Variants in GTF2E2 observed in about 807,000 individuals in gnomAD.
GTF2E2 encodes the protein general transcription factor IIE subunit 2.
Under a neutral mutation model 40.5 loss-of-function variants are expected in GTF2E2, and 21 were observed. The ratio of observed to expected loss-of-function variants is 0.52; its 90% CI spans 0.37 to 0.75. The LOEUF is 0.75. GTF2E2 is among the 30% of genes least tolerant of loss of function. The pLI is 0.00. For synonymous variants in GTF2E2, 117 were observed against 121.6 expected (o/e 0.96, Z 0.25); for missense variants, 298 against 338.4 (o/e 0.88, Z 0.94).
chr8:30,582,766 T>C (rs1183141392), intron 6 of GTF2E2, among the ~76,000 whole-genome samples: 1 of 152,206 alleles, frequency 6.6e-6, no homozygotes, highest in Non-Finnish European at 1.5e-5. Context: ...TGGGGCACAG[T>C]AGCAAGCTAC....
At position 30,620,765 on chromosome 8, in the gene GTF2E2, C is replaced by CA. The variant is rs754974238; in HGVS notation, c.259-6051dup. Among the ~76,000 whole-genome samples, 632 of 130,798 alleles carry CA rather than the reference C, an allele frequency of 4.8e-3. 2 individuals carry two copies. Among genetic ancestry groups the CA allele is most frequent in the Middle Eastern group, 0.019 (5 of 258 alleles). The allele number at this position is 130,798 out of a possible 152,430, so 85.8% of individuals were successfully genotyped here. ...CCAACATGATGAAACCTCGACTCCA[C>CA]AAAAAAAAAAAAAATTAGCCAGGCA... On this transcript the variant is annotated intron_variant, in intron 3 of 7. Transcript: ENST00000355904.
intron 3 of GTF2E2, among the ~76,000 whole-genome samples, chr8:30,623,707 T>C (rs1201331444): frequency 6.6e-6 from 1 of 152,074 alleles, no homozygotes; most frequent in Non-Finnish European, 1.5e-5. Flanking sequence ...TGATCATCAT[T>C]CTAACTGGTG....
intron 6 of GTF2E2, among the ~76,000 whole-genome samples, 188 bp from the exon 7 acceptor site, chr8:30,580,584 C>A (rs372577048): frequency 1.3e-5 from 2 of 152,316 alleles, no homozygotes; most frequent in East Asian, 3.9e-4. Flanking sequence ...GGAGACAGAA[C>A]TGCACCCACA....
At chr8:30,606,296 A>G (rs932166318) in intron 6 of GTF2E2, among the ~76,000 whole-genome samples, 3 of 152,224 alleles carry the variant, frequency 2.0e-5, no homozygotes, top group African/African-American at 7.2e-5. Flanking sequence ...CCTATCTACC[A>G]GAACCACAAG....
At chr8:30,583,892 AC>A (rs1828593559) in intron 6 of GTF2E2, among the ~76,000 whole-genome samples, 1 of 150,928 alleles carries the variant, frequency 6.6e-6, no homozygotes, top group East Asian at 1.9e-4. Context: ...TGCAAGCTCC[AC>A]CTCCCGGGTT....
chr8:30,632,870 T>C (rs1801482409), intron 3 of GTF2E2, among the ~76,000 whole-genome samples: 1 of 152,182 alleles, frequency 6.6e-6, no homozygotes, highest in African/African-American at 2.4e-5. Context: ...TGGAAGATTC[T>C]GATATCACAA....
chr8:30,583,269 G>A (rs1175394301), intron 6 of GTF2E2, among the ~76,000 whole-genome samples: 1 of 152,206 alleles, frequency 6.6e-6, no homozygotes, highest in Non-Finnish European at 1.5e-5. Flanking sequence ...GGGAGGCGGA[G>A]GGTGCAGTGA....
chr8:30,624,549 A>T (rs1366649955), intron 3 of GTF2E2, among the ~76,000 whole-genome samples: 1 of 152,130 alleles, frequency 6.6e-6, no homozygotes, highest in African/African-American at 2.4e-5. Context: ...TTCTGTGAAG[A>T]AAGTCATTGG....
At position 30,652,398 on chromosome 8, in the gene GTF2E2, T is replaced by A. The variant is rs576303247; in HGVS notation, c.166+1035A>T. Among the ~76,000 whole-genome samples, 200 of 151,948 alleles carry A rather than the reference T, an allele frequency of 1.3e-3. 2 individuals are homozygous for A. The highest frequency in any genetic ancestry group is 0.012 in the South Asian group (59 of 4,812). On this transcript the variant is annotated intron_variant, in intron 2 of 7. Coordinates refer to ENST00000355904, the MANE Select transcript of GTF2E2 (RefSeq NM_002095.6). ...AGAGGAAATATACCTCAGTTTTTTT[T>A]ATGGGCAAAAAAAAATTGAATAGAC...
At chr8:30,647,166 T>C (rs1449936088) in intron 2 of GTF2E2, among the ~76,000 whole-genome samples, 1 of 152,032 alleles carries the variant, frequency 6.6e-6, no homozygotes, top group Non-Finnish European at 1.5e-5. Flanking sequence ...AAGAGGGCTG[T>C]GGGGACAAAA....
In GTF2E2 at chr8:30,614,723, G is replaced by A; in HGVS notation, c.259-8C>T. 6.6e-7 allele frequency: 1 copy of A among 1,512,570 alleles called. No homozygotes were observed. The highest frequency in any genetic ancestry group is 9.1e-7 in the Non-Finnish European group (1 of 1,093,466). The allele number at this position is 1,512,570 out of a possible 1,614,324, so 93.7% of individuals were successfully genotyped here. On this transcript the variant is annotated splice_region_variant and splice_polypyrimidine_tract_variant and intron_variant, in intron 3 of 7. Coordinates refer to ENST00000355904, the MANE Select transcript of GTF2E2 (RefSeq NM_002095.6). ...TCCTCGCTGATGCCGTGTCTATCAA[G>A]TGAAGAAATTGTTATTAGAAGACAG... is the stretch of plus-strand genomic sequence containing the variant.
rs552545700 is a variant in GTF2E2, at chr8:30,627,726, C to CT, written c.258+7305dup. On this transcript the variant is annotated intron_variant, in intron 3 of 7. Transcript: ENST00000355904. ...GCTTTATTAAACATAGACCAGTATA[C>CT]TTGAGCACCTAAATCTCTTGCTACA... Among the ~76,000 whole-genome samples the CT allele has an allele frequency of 2.2e-3, 330 of 152,248 alleles. 1 individual carries two copies. The highest frequency in any genetic ancestry group is 3.7e-3 in the Non-Finnish European group (255 of 68,024).
intron 2 of GTF2E2, chr8:30,645,556 A>G (rs1238605843): frequency 1.3e-6 from 2 of 1,535,708 alleles, no homozygotes; most frequent in Non-Finnish European, 1.7e-6. Context: ...TCTTAGAAGT[A>G]TGATGGACAA....
At chr8:30,612,248 G>A in intron 5 of GTF2E2, 51 bp downstream of exon 5, 2 of 1,137,168 alleles carry the variant, frequency 1.8e-6, no homozygotes, top group Non-Finnish European at 2.6e-6. Context: ...AAACCAAGAA[G>A]TCATTATTCA....
chr8:30,648,111 A>C (rs1246201029), intron 2 of GTF2E2, among the ~76,000 whole-genome samples: 1 of 152,212 alleles, frequency 6.6e-6, no homozygotes, highest in Non-Finnish European at 1.5e-5. Context: ...GAACCAAAAG[A>C]GGGTAGGAGG....
At position 30,621,940 on chromosome 8, in the gene GTF2E2, T is replaced by C. The variant is rs191174064; in HGVS notation, c.259-7225A>G. On this transcript the variant is annotated intron_variant, in intron 3 of 7. Transcript: ENST00000355904. Reference sequence around the variant, plus strand: ...ACACATTTGCTATCTCATCGTTAAGTATGATGTTAAATCTAGGGGGTTCTT... The same window carrying C: ...ACACATTTGCTATCTCATCGTTAAGCATGATGTTAAATCTAGGGGGTTCTT... Among the ~76,000 whole-genome samples the C allele has an allele frequency of 1.2e-3, 188 of 151,432 alleles. 1 individual carries two copies. Among genetic ancestry groups the C allele is most frequent in the Middle Eastern group, 3.4e-3 (1 of 294 alleles).
rs945410284 is a variant in GTF2E2, at chr8:30,580,322, G to C, written c.718C>G (p.Gln240Glu). Reference sequence around the variant, plus strand: ...GATTCCTGCATGGAAGAAATACCCTGTCGCTTCAGATATTCTTCAATTTTC... The same window carrying C: ...GATTCCTGCATGGAAGAAATACCCTCTCGCTTCAGATATTCTTCAATTTTC... ...EEKIEEYLKR[Q>E]GISSMQESGP... The change falls in exon 7 of 8, where the codon CAG (glutamine) becomes GAG (glutamate). Residue 240 changes from glutamine to glutamate, a missense_variant. Gln to Glu is a conservative substitution (Grantham distance 29). Coordinates refer to ENST00000355904, the MANE Select transcript of GTF2E2 (RefSeq NM_002095.6). 2 of 1,610,242 alleles carry C rather than the reference G, an allele frequency of 1.2e-6. No homozygotes were observed. Among genetic ancestry groups the C allele is most frequent in the Admixed American group, 3.3e-5 (2 of 60,020 alleles).
intron 6 of GTF2E2, among the ~76,000 whole-genome samples, chr8:30,602,183 A>G (rs1186233386): frequency 6.6e-6 from 1 of 151,866 alleles, no homozygotes; most frequent in Non-Finnish European, 1.5e-5. Context: ...ATGTCCGGCT[A>G]ATTTTTGTAC....
intron 6 of GTF2E2, among the ~76,000 whole-genome samples, chr8:30,601,718 G>T (rs1274472951): frequency 6.6e-6 from 1 of 152,150 alleles, no homozygotes; most frequent in Non-Finnish European, 1.5e-5. Flanking sequence ...AGTATTTTTG[G>T]CACTTTTAAT....
Sources: allele counts gnomAD v4.1 joint callset (sites outside exome capture counted in the v4.1 genomes callset), GRCh38; gene constraint gnomAD v4.1.1; transcripts MANE v1.5; gene names NCBI Gene and HGNC (gene_info 2026-07-23, HGNC 2026-07-21).